RGS6: variants seen among roughly 807,000 people sequenced by gnomAD.
The protein encoded by RGS6 is regulator of G protein signaling 6, also known as regulator of G-protein signaling 6.
A neutral mutation model predicts 78.5 loss-of-function variants in RGS6; 30 were observed. The ratio of observed to expected loss-of-function variants is 0.38; its 90% CI spans 0.29 to 0.52. The LOEUF is 0.52. Ranked by LOEUF, RGS6 falls within the 20% of genes least tolerant of loss-of-function variation. The pLI is 0.85. For missense variants in RGS6, 495 were observed against 609.7 expected, an observed-to-expected ratio of 0.81 and a Z score of 1.98; for synonymous variants, 206 against 206.0, an observed-to-expected ratio of 1.00 and a Z score of 0.00.
intron 3 of RGS6, among the ~76,000 whole-genome samples, chr14:72,408,952 T>C (rs1270338689): frequency 6.6e-6 from 1 of 152,216 alleles, no homozygotes; most frequent in Non-Finnish European, 1.5e-5. Context: ...GAAATAATTC[T>C]GTAGCAGAAA....
chr14:72,015,585 A>C (rs1440579653), intron 2 of RGS6, among the ~76,000 whole-genome samples: 1 of 152,204 alleles, frequency 6.6e-6, no homozygotes, highest in Non-Finnish European at 1.5e-5. Flanking sequence ...ATCTAGAAAT[A>C]TGTACTAGAG....
intron 3 of RGS6, among the ~76,000 whole-genome samples, chr14:72,449,789 T>G: frequency 6.6e-6 from 1 of 152,146 alleles, no homozygotes; most frequent in African/African-American, 2.4e-5. Context: ...AGTGGCCAAC[T>G]GGAGGCACAC....
intron 2 of RGS6, among the ~76,000 whole-genome samples, chr14:72,173,623 CT>C (rs1252011989): frequency 6.6e-6 from 1 of 152,130 alleles, no homozygotes; most frequent in Admixed American, 6.5e-5. Context: ...ATAACCTCGA[CT>C]CTTGAATGGG....
chr14:71,957,284 T>C (rs1287318812), intron 1 of RGS6, among the ~76,000 whole-genome samples: 1 of 152,046 alleles, frequency 6.6e-6, no homozygotes, highest in Non-Finnish European at 1.5e-5. Context: ...GCAGTGAGGA[T>C]GAGCAGAAAG....
At chr14:72,152,167 C>T (rs982186906) in intron 2 of RGS6, among the ~76,000 whole-genome samples, 7 of 151,534 alleles carry the variant, frequency 4.6e-5, no homozygotes, top group Admixed American at 1.3e-4. Context: ...AGGCTGCTTG[C>T]TAAATTGGGA....
chr14:72,231,682 A>C (rs773533706), intron 2 of RGS6, among the ~76,000 whole-genome samples: 5 of 152,078 alleles, frequency 3.3e-5, no homozygotes. Context: ...TATAAGAGAA[A>C]CCCTTTCGGA....
intron 16 of RGS6, among the ~76,000 whole-genome samples, chr14:72,538,441 G>A (rs2097278563): frequency 1.3e-5 from 2 of 152,354 alleles, no homozygotes; most frequent in East Asian, 3.9e-4. Context: ...TAGGTGAGCT[G>A]AGTCCTGAGG....
the RGS6 span, among the ~76,000 whole-genome samples, chr14:71,890,809 C>T: frequency 1.3e-5 from 2 of 152,172 alleles, no homozygotes; most frequent in South Asian, 4.1e-4. Context: ...AAGGATTTAG[C>T]TCAGGAGCAA....
intron 2 of RGS6, among the ~76,000 whole-genome samples, chr14:72,309,142 A>G (rs190946185): frequency 1.7e-4 from 26 of 152,278 alleles, no homozygotes; most frequent in Admixed American, 1.6e-3. Flanking sequence ...ATACAGAAGC[A>G]TTTCATGTGG....
chr14:72,554,632 G>A (rs1436094697), intron 17 of RGS6, among the ~76,000 whole-genome samples: 8 of 152,144 alleles, frequency 5.3e-5, no homozygotes, highest in Middle Eastern at 3.2e-3. Flanking sequence ...GCATGCCACC[G>A]AGAGGCCTTA....
At chr14:71,912,339 G>C in the RGS6 span, among the ~76,000 whole-genome samples, 1 of 152,080 alleles carries the variant, frequency 6.6e-6, no homozygotes. Context: ...ACCAAGAGGG[G>C]GCCTGTTCAA....
intron 3 of RGS6, among the ~76,000 whole-genome samples, chr14:72,375,267 C>T (rs539075252): frequency 4.6e-5 from 7 of 152,196 alleles, no homozygotes; most frequent in Admixed American, 2.0e-4. Flanking sequence ...TTAAAAGCAT[C>T]GGGTTCCAAA....
At chr14:72,103,323 A>G (rs929418901) in intron 2 of RGS6, among the ~76,000 whole-genome samples, 3 of 152,230 alleles carry the variant, frequency 2.0e-5, no homozygotes, top group Non-Finnish European at 4.4e-5. Context: ...ACTTAGGAAG[A>G]AAAGCAAAAC....
intron 2 of RGS6, among the ~76,000 whole-genome samples, chr14:72,347,117 T>C (rs2152712043): frequency 6.6e-6 from 1 of 152,360 alleles, no homozygotes; most frequent in South Asian, 2.1e-4. Context: ...ATTGGCACAG[T>C]GACGCTTAAG....
chr14:72,415,690 G>T (rs577896872), intron 3 of RGS6, among the ~76,000 whole-genome samples: 1 of 152,014 alleles, frequency 6.6e-6, no homozygotes, highest in African/African-American at 2.4e-5. Flanking sequence ...CCACCCCCCC[G>T]GCAACTGCCT....
chr14:72,187,922 T>C (rs747838595), intron 2 of RGS6, among the ~76,000 whole-genome samples: 11 of 152,252 alleles, frequency 7.2e-5, no homozygotes, highest in Non-Finnish European at 1.5e-4. Context: ...TGCATGTTTC[T>C]AGTTGAAGTT....
the RGS6 span, among the ~76,000 whole-genome samples, chr14:72,589,303 A>G: frequency 5.9e-5 from 9 of 152,344 alleles, no homozygotes; most frequent in East Asian, 1.7e-3. Flanking sequence ...TAATCCCAAC[A>G]CTTTGGGAGG....
At chr14:72,454,396 A>C (rs2095576384) in intron 3 of RGS6, 132 bp from the exon 4 acceptor site, 2 of 877,614 alleles carry the variant, frequency 2.3e-6, no homozygotes, top group Non-Finnish European at 3.8e-6. Context: ...TAGGACAAAA[A>C]AAAGTGCCCA....
At chr14:72,313,048 A>G (rs1321286737) in intron 2 of RGS6, among the ~76,000 whole-genome samples, 1 of 152,184 alleles carries the variant, frequency 6.6e-6, no homozygotes, top group Non-Finnish European at 1.5e-5. Context: ...AGCTGCAGCG[A>G]CTTGAGTTTA....
Sources: allele counts gnomAD v4.1 joint callset (sites outside exome capture counted in the v4.1 genomes callset), GRCh38; gene constraint gnomAD v4.1.1; transcripts MANE v1.5; gene names NCBI Gene and HGNC (gene_info 2026-07-23, HGNC 2026-07-21).